VPS25: variants seen among roughly 807,000 people sequenced by gnomAD.
The protein encoded by VPS25 is vacuolar protein sorting 25 homolog.
A neutral mutation model predicts 30.3 loss-of-function variants in VPS25; 21 were observed. That is an observed-to-expected ratio of 0.69 (90% CI 0.49 to 1.00). The LOEUF (loss-of-function observed/expected upper bound fraction) is 1.00. Ranked by LOEUF, VPS25 falls within the 50% of genes least tolerant of loss-of-function variation. The probability of loss-of-function intolerance (pLI) is 0.00; values close to 1 mark genes in which losing one functional copy is unlikely to be tolerated. For synonymous variants in VPS25, 101 were observed against 88.1 expected (o/e 1.15, Z -0.82); for missense variants, 156 against 217.2 (o/e 0.72, Z 1.77).
In VPS25 at chr17:42,776,442, A is replaced by T. The variant is rs1400430434; in HGVS notation, c.418+122A>T. Reference sequence around the variant, plus strand: ...CAATGTTGCAATCTCGGCTCACTGCAACCTCCGCCTCCTAGGTTGAAGCGA... The same window carrying T: ...CAATGTTGCAATCTCGGCTCACTGCTACCTCCGCCTCCTAGGTTGAAGCGA... On this transcript the variant is annotated intron_variant, in intron 5 of 5. Transcript: ENST00000253794. 6.3e-5 allele frequency: 52 copies of T among 820,892 alleles called. No individual in the cohort carries two copies. In the Middle Eastern group the frequency reaches 1.1e-3, roughly 18 times the overall value. 50.9% of individuals were successfully genotyped at this position (820,892 alleles called of 1,614,324 possible). A position where few individuals can be genotyped will look rare whatever the true frequency, so the allele number is the denominator to read the frequency against.
chr17:42,776,221 ACTC>A, intron 4 of VPS25, 21 bp from the exon 5 acceptor site: 1 of 1,603,620 alleles, frequency 6.2e-7, no homozygotes, highest in Non-Finnish European at 8.5e-7. Flanking sequence ...GTTCTAATTC[ACTC>A]CTCATTTTCT....
chr17:42,775,313 C>T (rs1272458040), intron 3 of VPS25, 68 bp from the exon 4 acceptor site: 4 of 1,295,802 alleles, frequency 3.1e-6, no homozygotes, highest in African/African-American at 2.9e-5. Flanking sequence ...GCAGTCCTCC[C>T]GCCTTGGCCT....
intron 4 of VPS25, among the ~76,000 whole-genome samples, chr17:42,775,887 C>T (rs772358170): frequency 2.0e-5 from 3 of 152,130 alleles, no homozygotes; most frequent in Non-Finnish European, 2.9e-5. Context: ...AATACTCTTC[C>T]CCCTAAACCA....
intron 5 of VPS25, among the ~76,000 whole-genome samples, chr17:42,777,243 A>G (rs1416115840): frequency 6.6e-6 from 1 of 152,290 alleles, no homozygotes; most frequent in Non-Finnish European, 1.5e-5. Flanking sequence ...GGCCGGGTGC[A>G]GTGGCTCACG....
rs2054458366 is a variant in VPS25, at chr17:42,779,588, T to C, written c.*519T>C. ...CCCACACCGATTTATGATATTAAAA[T>C]CTCAACTCCCACTGCCTGCCTCTTA... is the stretch of plus-strand genomic sequence containing the variant. On this transcript the variant is annotated 3_prime_UTR_variant, in exon 6 of 6. Transcript: ENST00000253794. 1 of 158,110 alleles carries C rather than the reference T, an allele frequency of 6.3e-6. No homozygotes were observed. The highest frequency in any genetic ancestry group is 1.4e-5 in the Non-Finnish European group (1 of 70,916). The allele number at this position is 158,110 out of a possible 1,614,324, so 9.8% of individuals were successfully genotyped here. A position where few individuals can be genotyped will look rare whatever the true frequency, so the allele number is the denominator to read the frequency against.
chr17:42,774,786 A>G (rs1369858102), intron 3 of VPS25, 87 bp downstream of exon 3: 3 of 1,259,038 alleles, frequency 2.4e-6, no homozygotes, highest in Non-Finnish European at 3.4e-6. Context: ...TCCCTTTAAT[A>G]ACTTTTTCTC....
intron 5 of VPS25, among the ~76,000 whole-genome samples, chr17:42,777,875 C>G (rs966538996): frequency 2.6e-5 from 4 of 152,200 alleles, no homozygotes; most frequent in Admixed American, 1.3e-4. Flanking sequence ...CAGAGGGTGT[C>G]TCCCCTTTCT....
intron 1 of VPS25, 92 bp from the exon 2 acceptor site, chr17:42,773,641 C>A: frequency 6.2e-7 from 1 of 1,605,204 alleles, no homozygotes; most frequent in Non-Finnish European, 8.5e-7. Context: ...TCGGCCAACA[C>A]CCTCAGTCCC....
At chr17:42,777,149 G>T (rs1275169014) in intron 5 of VPS25, among the ~76,000 whole-genome samples, 1 of 152,178 alleles carries the variant, frequency 6.6e-6, no homozygotes, top group Non-Finnish European at 1.5e-5. Flanking sequence ...AGCCCAGGAG[G>T]TCAAGGCTGC....
Position 42,776,305 on chromosome 17 carries a change from G to A in VPS25, c.403G>A (p.Asp135Asn). ...CCTGTATGAACTGACTAATGGGGAA[G>A]ACACAGAGGATGAGGGTAATGCCTT... ...FTLYELTNGEDTEDEEFHGLD... is the reference protein window; with the variant it reads ...FTLYELTNGENTEDEEFHGLD... Residue 135 changes from aspartate (D) to asparagine (N), a missense_variant, in exon 5 of 6, where the codon GAC becomes AAC. By Grantham distance (23) the Asp-to-Asn change is conservative. Transcript: ENST00000253794. 6.2e-7 allele frequency: 1 copy of A among 1,613,526 alleles called. No individual in the cohort carries two copies.
chr17:42,776,661 C>CTTTTTT (rs1177773681), intron 5 of VPS25, among the ~76,000 whole-genome samples: 1 of 142,170 alleles, frequency 7.0e-6, no homozygotes, highest in African/African-American at 2.6e-5. Context: ...TGTGCCCCGC[C>CTTTTTT]TGTTTTTTTT....
chr17:42,776,536 G>C (rs1034379875), intron 5 of VPS25, among the ~76,000 whole-genome samples: 1 of 151,680 alleles, frequency 6.6e-6, no homozygotes, highest in Non-Finnish European at 1.5e-5. Context: ...CTAATTTTTT[G>C]TATTTTTAGT....
intron 1 of VPS25, 67 bp from the exon 2 acceptor site, chr17:42,773,666 A>T: frequency 5.0e-6 from 8 of 1,604,776 alleles, no homozygotes; most frequent in Non-Finnish European, 6.8e-6. Flanking sequence ...TTTCTTCCTG[A>T]AATGCGTCCC....
chr17:42,774,372 C>CTTTTTTTTTT (rs1161401913), intron 2 of VPS25: 1 of 219,682 alleles, frequency 4.6e-6, no homozygotes, highest in Non-Finnish European at 8.4e-6. Context: ...TTCTTTCTTT[C>CTTTTTTTTTT]TTTTTTTTTT....
rs923006536 is a variant in VPS25, at chr17:42,779,589, C to T, written c.*520C>T. ...CCACACCGATTTATGATATTAAAAT[C>T]TCAACTCCCACTGCCTGCCTCTTAA... On this transcript the variant is annotated 3_prime_UTR_variant, in exon 6 of 6. Coordinates refer to ENST00000253794, the MANE Select transcript of VPS25 (RefSeq NM_032353.4). 1 of 158,424 alleles carries T rather than the reference C, an allele frequency of 6.3e-6. No individual in the cohort carries two copies. The highest frequency in any genetic ancestry group is 2.4e-5 in the African/African-American group (1 of 41,540). 9.8% of individuals were successfully genotyped at this position (158,424 alleles called of 1,614,324 possible).
intron 5 of VPS25, 109 bp downstream of exon 5, chr17:42,776,429 C>G: frequency 1.0e-6 from 1 of 979,832 alleles, no homozygotes; most frequent in Non-Finnish European, 1.5e-6. Context: ...ATGTTGCAAT[C>G]TCGGCTCACT....
intron 5 of VPS25, among the ~76,000 whole-genome samples, 157 bp downstream of exon 5, chr17:42,776,477 C>T (rs987597664): frequency 1.3e-5 from 2 of 152,034 alleles, no homozygotes; most frequent in Non-Finnish European, 2.9e-5. Flanking sequence ...ATTCTCCTGC[C>T]TCAGCTTCCT....
At chr17:42,774,561 C>A in intron 2 of VPS25, 85 bp from the exon 3 acceptor site, 2 of 1,061,718 alleles carry the variant, frequency 1.9e-6, no homozygotes, top group South Asian at 1.3e-5. Flanking sequence ...GAGGAAGGGG[C>A]AGGTGTTTCT....
In VPS25 at chr17:42,774,684, G is replaced by T. The variant is rs1358952276; in HGVS notation, c.238G>T (p.Glu80Ter). 2 of 1,612,636 alleles carry T rather than the reference G, an allele frequency of 1.2e-6. No homozygotes were observed. Among genetic ancestry groups the T allele is most frequent in the African/African-American group, 1.3e-5 (1 of 74,892 alleles). ...GGAGTCGATCCAGATTGTATTAGAG[G>T]AACTGAGGAAGAAAGGTGGGTTCAG... ...PVESIQIVLEELRKKGNLEWL... is the reference protein window; with the variant it reads ...PVESIQIVLE Residue 80 changes from glutamate (E) to a stop codon, truncating the protein, a stop_gained, in exon 3 of 6, where the codon GAA becomes TAA. Coordinates refer to ENST00000253794, the MANE Select transcript of VPS25 (RefSeq NM_032353.4). LOFTEE classifies it high-confidence loss of function.
Sources: gnomAD v4.1 joint callset for allele counts (sites outside exome capture counted in the v4.1 genomes callset) on GRCh38, gnomAD v4.1.1 for gene constraint, MANE v1.5 for transcripts, NCBI Gene and HGNC (gene_info 2026-07-23, HGNC 2026-07-21) for gene names.